The following PPP3CA variants were observed in gnomAD, a reference collection of about 807,000 sequenced individuals.
The protein encoded by PPP3CA is protein phosphatase 3 catalytic subunit alpha.
In PPP3CA, 14 loss-of-function variants were observed where a neutral mutation model predicts 66.5. The ratio of observed to expected loss-of-function variants is 0.21; its 90% CI spans 0.14 to 0.33. The LOEUF is 0.33. PPP3CA is among the 10% of genes least tolerant of loss of function. The probability of loss-of-function intolerance (pLI) is 1.00; values close to 1 mark genes in which losing one functional copy is unlikely to be tolerated. For missense variants in PPP3CA, 317 were observed against 639.5 expected (o/e 0.50, Z 5.44); for synonymous variants, 232 against 226.2 (o/e 1.03, Z -0.23).
rs960679024 is a variant in PPP3CA, at chr4:101,298,053, T to A, written c.58+48686A>T. Among the ~76,000 whole-genome samples, 9 of 152,206 alleles carry A rather than the reference T, an allele frequency of 5.9e-5. No individual in the cohort carries two copies. In the East Asian group the frequency reaches 1.5e-3, roughly 26 times the overall value. ...TCTCACGCGGCTTTCTCAGTGGGAA[T>A]AGGCAATTCCAATAAGTGACTCCAG... On this transcript the variant is annotated intron_variant, in intron 1 of 13. Coordinates refer to ENST00000394854, the MANE Select transcript of PPP3CA (RefSeq NM_000944.5).
intron 2 of PPP3CA, among the ~76,000 whole-genome samples, chr4:101,128,829 C>G (rs556314872): frequency 5.9e-5 from 9 of 152,246 alleles, no homozygotes; most frequent in Non-Finnish European, 1.3e-4. Context: ...GCTGTTTGGG[C>G]AGGCACCAAG....
chr4:101,287,436 T>G (rs2110284881), intron 1 of PPP3CA, among the ~76,000 whole-genome samples: 1 of 152,320 alleles, frequency 6.6e-6, no homozygotes, highest in African/African-American at 2.4e-5. Flanking sequence ...GACCTTTACT[T>G]CTTGACAACA....
chr4:101,106,446 A>AAAGG, intron 3 of PPP3CA, among the ~76,000 whole-genome samples: 1 of 11,260 alleles, frequency 8.9e-5, no homozygotes, highest in Non-Finnish European at 1.6e-4. Flanking sequence ...AGAAAGAAAG[A>AAAGG]AAGAAAGAGA....
chr4:101,267,448 T>C (rs566108953), intron 1 of PPP3CA, among the ~76,000 whole-genome samples: 1 of 152,302 alleles, frequency 6.6e-6, no homozygotes, highest in South Asian at 2.1e-4. Context: ...ACTCATTATT[T>C]AGTGTGAAAG....
At chr4:101,107,993 A>G (rs1473303940) in intron 3 of PPP3CA, 2 of 152,222 alleles carry the variant, frequency 1.3e-5, no homozygotes, top group Non-Finnish European at 2.9e-5. Flanking sequence ...ATTTATTAAC[A>G]CACCGTGTTA....
intron 10 of PPP3CA, among the ~76,000 whole-genome samples, chr4:101,047,750 T>A (rs1560577230): frequency 1.3e-5 from 2 of 152,072 alleles, no homozygotes; most frequent in Non-Finnish European, 2.9e-5. Flanking sequence ...CTTTAAAATA[T>A]TTTTGTCACT....
Position 101,110,522 on chromosome 4 carries a change from A to G in PPP3CA, c.260-1444T>C, listed in dbSNP as rs12498664. ...TTAAATACTAACAAAATGGCTGTAA[A>G]TAACAAGGATCTTTACTACTAATGC... On this transcript the variant is annotated intron_variant, in intron 2 of 13. Transcript: ENST00000394854. 1.1e-3 allele frequency among the ~76,000 whole-genome samples: 160 copies of G among 143,996 alleles called. 4 individuals are homozygous for G. The highest frequency in any genetic ancestry group is 0.011 in the Admixed American group (157 of 14,816). The allele number at this position is 143,996 out of a possible 152,430, so 94.5% of individuals were successfully genotyped here.
chr4:101,245,050 A>G (rs957198755), intron 1 of PPP3CA, among the ~76,000 whole-genome samples: 1 of 152,182 alleles, frequency 6.6e-6, no homozygotes, highest in Non-Finnish European at 1.5e-5. Context: ...GTGAAATTTA[A>G]TGAGATTCGT....
intron 1 of PPP3CA, among the ~76,000 whole-genome samples, chr4:101,211,510 T>C (rs1405761906): frequency 6.6e-6 from 1 of 152,214 alleles, no homozygotes; most frequent in Non-Finnish European, 1.5e-5. Flanking sequence ...GCCTGCTTAA[T>C]TTAATTGCTC....
chr4:101,270,845 A>G (rs765116852), intron 1 of PPP3CA, among the ~76,000 whole-genome samples: 1 of 152,156 alleles, frequency 6.6e-6, no homozygotes, highest in Non-Finnish European at 1.5e-5. Context: ...TGTAAGTTTG[A>G]ACCCCAAAGT....
intron 1 of PPP3CA, among the ~76,000 whole-genome samples, chr4:101,204,635 C>CAA (rs55925064): frequency 2.0e-4 from 22 of 107,764 alleles, no homozygotes; most frequent in African/African-American, 2.9e-4. Flanking sequence ...GACTCCATCT[C>CAA]AAAAAAAAAA....
At chr4:101,115,793 G>C (rs760585068) in intron 2 of PPP3CA, among the ~76,000 whole-genome samples, 8 of 151,826 alleles carry the variant, frequency 5.3e-5, no homozygotes, top group Non-Finnish European at 5.9e-5. Context: ...CTATTTACTT[G>C]CCTGTATGAA....
rs1002037389 is a variant in PPP3CA, at chr4:101,098,574, T to G, written c.497-62A>C. ...AGGCAGGATCATTTCACTGAAATAG[T>G]TTTGGTTTTTTGAGAAGTTTTCTTG... On this transcript the variant is annotated intron_variant, in intron 4 of 13. Coordinates refer to ENST00000394854, the MANE Select transcript of PPP3CA (RefSeq NM_000944.5). 7 of 1,484,536 alleles carry G rather than the reference T, an allele frequency of 4.7e-6. No individual in the cohort carries two copies. In the African/African-American group the frequency reaches 7.3e-5, roughly 15 times the overall value. The allele number at this position is 1,484,536 out of a possible 1,614,324, so 92.0% of individuals were successfully genotyped here.
chr4:101,310,094 A>G (rs757353285), intron 1 of PPP3CA, among the ~76,000 whole-genome samples: 1 of 152,208 alleles, frequency 6.6e-6, no homozygotes, highest in Non-Finnish European at 1.5e-5. Context: ...CTGTAGTACT[A>G]CTGATTGTTG....
chr4:101,035,375 T>C (rs1309134043), intron 11 of PPP3CA, among the ~76,000 whole-genome samples: 1 of 152,220 alleles, frequency 6.6e-6, no homozygotes, highest in Non-Finnish European at 1.5e-5. Context: ...TTATTAGCTT[T>C]TTACCTACAA....
At chr4:101,106,212 T>C (rs571605645) in intron 3 of PPP3CA, among the ~76,000 whole-genome samples, 1 of 151,376 alleles carries the variant, frequency 6.6e-6, no homozygotes, top group Non-Finnish European at 1.5e-5. Flanking sequence ...TCCCAGCTAC[T>C]TGGGAGGCTA....
At chr4:101,106,476 A>G (rs540705612) in intron 3 of PPP3CA, among the ~76,000 whole-genome samples, 1 of 62,636 alleles carries the variant, frequency 1.6e-5, no homozygotes, top group African/African-American at 1.2e-4. Context: ...AAAAGAAAAG[A>G]AAAGAAAAGA....
At chr4:101,046,410 C>T (rs1001519638) in intron 10 of PPP3CA, among the ~76,000 whole-genome samples, 10 of 151,930 alleles carry the variant, frequency 6.6e-5, no homozygotes, top group African/African-American at 1.7e-4. Context: ...ATCATTATAT[C>T]GGCCATGAGC....
intron 10 of PPP3CA, among the ~76,000 whole-genome samples, chr4:101,050,867 T>C (rs959834309): frequency 2.2e-4 from 33 of 152,292 alleles, no homozygotes; most frequent in African/African-American, 6.7e-4. Flanking sequence ...TGTGCAGATA[T>C]GAACATTCCA....
Sources: gnomAD v4.1 joint callset for allele counts (sites outside exome capture counted in the v4.1 genomes callset) on GRCh38, gnomAD v4.1.1 for gene constraint, MANE v1.5 for transcripts, NCBI Gene and HGNC (gene_info 2026-07-23, HGNC 2026-07-21) for gene names.